The following PPFIBP2 variants were observed in gnomAD, a reference collection of about 807,000 sequenced individuals.
The protein encoded by PPFIBP2 is PPFIB scaffold protein 2, also known as liprin-beta-2.
Under a neutral mutation model 118.3 loss-of-function variants are expected in PPFIBP2, and 118 were observed. The ratio of observed to expected loss-of-function variants is 1.00; its 90% CI spans 0.86 to 1.16. PPFIBP2 has a LOEUF of 1.16. PPFIBP2 is among the 50% of genes most tolerant of loss of function. The pLI, the probability that PPFIBP2 is intolerant of heterozygous loss-of-function variation, is 0.00. For missense variants in PPFIBP2, 1,195 were observed against 1,073.1 expected, an observed-to-expected ratio of 1.11 and a Z score of -1.59; for synonymous variants, 414 against 397.4, an observed-to-expected ratio of 1.04 and a Z score of -0.50.
chr11:7,635,163 C>T (rs1565098256), intron 13 of PPFIBP2, among the ~76,000 whole-genome samples: 1 of 152,072 alleles, frequency 6.6e-6, no homozygotes, highest in African/African-American at 2.4e-5. Flanking sequence ...ACCAAGGGAG[C>T]CTGCCCTGAT....
intron 1 of PPFIBP2, among the ~76,000 whole-genome samples, chr11:7,519,843 T>G (rs1849579697): frequency 1.3e-5 from 2 of 152,150 alleles, no homozygotes; most frequent in Admixed American, 1.3e-4. Context: ...CGTTGGATTT[T>G]CGGACCAGAG....
intron 3 of PPFIBP2, among the ~76,000 whole-genome samples, chr11:7,579,425 G>A (rs141290367): frequency 6.6e-6 from 1 of 152,124 alleles, no homozygotes; most frequent in African/African-American, 2.4e-5. Flanking sequence ...TTTGGCAAAG[G>A]TTTGCATCAT....
At chr11:7,641,096 G>GT in intron 15 of PPFIBP2, 2 of 1,253,472 alleles carry the variant, frequency 1.6e-6, no homozygotes, top group Non-Finnish European at 2.1e-6. Context: ...GAGGTGGAGA[G>GT]TGAGAATGCC....
intron 3 of PPFIBP2, among the ~76,000 whole-genome samples, chr11:7,586,345 TAACTGA>T (rs1444056943): frequency 1.3e-5 from 2 of 152,256 alleles, no homozygotes; most frequent in Admixed American, 6.5e-5. Context: ...CTCATGCTTC[TAACTGA>T]ATGTTGGTCT....
intron 2 of PPFIBP2, 57 bp downstream of exon 2, chr11:7,549,596 T>C (rs1257015168): frequency 3.6e-6 from 5 of 1,407,532 alleles, no homozygotes; most frequent in Non-Finnish European, 3.7e-6. Flanking sequence ...CAGGAACTGC[T>C]TCTCTCCTTT....
intron 19 of PPFIBP2, 39 bp downstream of exon 19, chr11:7,648,950 A>G (rs1300690713): frequency 1.3e-6 from 2 of 1,550,242 alleles, no homozygotes; most frequent in Non-Finnish European, 1.8e-6. Context: ...TGTCTCTGGC[A>G]GCAACTAAGA....
chr11:7,530,030 C>T (rs530443055), intron 1 of PPFIBP2, among the ~76,000 whole-genome samples: 8 of 152,240 alleles, frequency 5.3e-5, no homozygotes, highest in Non-Finnish European at 8.8e-5. Flanking sequence ...CTCAAAGGAA[C>T]TCAACATCAT....
intron 2 of PPFIBP2, among the ~76,000 whole-genome samples, chr11:7,557,978 A>G (rs1337759685): frequency 6.6e-6 from 1 of 152,148 alleles, no homozygotes; most frequent in Non-Finnish European, 1.5e-5. Flanking sequence ...ATGCCAAAGA[A>G]CTCCATTTAC....
intron 11 of PPFIBP2, 130 bp downstream of exon 11, chr11:7,631,158 G>A: frequency 1.5e-6 from 1 of 684,552 alleles, no homozygotes; most frequent in Admixed American, 2.2e-5. Flanking sequence ...TTAATATAGT[G>A]CCCCTCAGGC....
Position 7,642,374 on chromosome 11 carries a change from G to T in PPFIBP2, c.1594G>T (p.Ala532Ser). 6.2e-7 allele frequency: 1 copy of T among 1,614,064 alleles called. No individual in the cohort carries two copies. The highest frequency in any genetic ancestry group is 1.3e-5 in the African/African-American group (1 of 75,044). The change falls in exon 17 of 24, where the codon GCA becomes TCA. Residue 532 changes from alanine to serine, a missense_variant. By Grantham distance (99) the Ala-to-Ser change is moderately conservative. Coordinates refer to ENST00000299492, the MANE Select transcript of PPFIBP2 (RefSeq NM_003621.5). Reference sequence around the variant, plus strand: ...AGAGTTTCGACGAGGTGGGCTCCGGGCAACCGCAGGGCCAAGACTCTCTAG... The same window carrying T: ...AGAGTTTCGACGAGGTGGGCTCCGGTCAACCGCAGGGCCAAGACTCTCTAG... ...MAEFRRGGLR[A>S]TAGPRLSRTR...
At chr11:7,619,689 G>A (rs1849111733) in intron 6 of PPFIBP2, among the ~76,000 whole-genome samples, 2 of 152,226 alleles carry the variant, frequency 1.3e-5, no homozygotes, top group African/African-American at 4.8e-5. Context: ...TTTCCTGGAA[G>A]TAGAATTAAT....
intron 1 of PPFIBP2, among the ~76,000 whole-genome samples, chr11:7,521,681 C>T (rs938457643): frequency 7.2e-5 from 11 of 152,232 alleles, no homozygotes; most frequent in African/African-American, 2.7e-4. Context: ...TGCTTTAGGG[C>T]TGTATCAGCT....
intron 3 of PPFIBP2, among the ~76,000 whole-genome samples, chr11:7,589,771 C>A (rs1228973631): frequency 6.6e-6 from 1 of 152,178 alleles, no homozygotes; most frequent in Non-Finnish European, 1.5e-5. Flanking sequence ...GGAACATGGA[C>A]AAGACTTTTC....
intron 4 of PPFIBP2, 63 bp downstream of exon 4, chr11:7,593,287 G>A (rs1859675172): frequency 6.4e-7 from 1 of 1,572,132 alleles, no homozygotes; most frequent in South Asian, 1.2e-5. Context: ...CTTCCCCTAA[G>A]TGGAAGGGAA....
chr11:7,529,361 C>A (rs1310516912), intron 1 of PPFIBP2, among the ~76,000 whole-genome samples: 3 of 152,228 alleles, frequency 2.0e-5, no homozygotes, highest in African/African-American at 7.2e-5. Context: ...AAATGCATCT[C>A]ATTACATCAC....
At chr11:7,581,647 G>A (rs1476294099) in intron 3 of PPFIBP2, among the ~76,000 whole-genome samples, 1 of 152,172 alleles carries the variant, frequency 6.6e-6, no homozygotes, top group Non-Finnish European at 1.5e-5. Context: ...GGACTGCAGT[G>A]AAAGTTACAG....
In PPFIBP2 at chr11:7,653,120, G is replaced by A. The variant is rs149105070; in HGVS notation, c.2533G>A (p.Val845Ile). ...TTGCCCAATGGAGCCCAGTGACGGT[G>A]TCAGTGATAGTCACAGGGTCTACAG... The part of the protein sequence containing the change: ...YICPMEPSDG[V>I]SDSHRVYSGY... Residue 845 changes from valine to isoleucine, a missense_variant, in exon 24 of 24, where the codon GTC becomes ATC. Val to Ile is a conservative substitution (Grantham distance 29). Transcript: ENST00000299492. 1.9e-4 allele frequency: 304 copies of A among 1,614,140 alleles called. No homozygotes were observed. Among genetic ancestry groups the A allele is most frequent in the Non-Finnish European group, 2.4e-4 (289 of 1,180,050 alleles).
chr11:7,550,575 T>C (rs1194825851), intron 2 of PPFIBP2, among the ~76,000 whole-genome samples: 2 of 152,182 alleles, frequency 1.3e-5, no homozygotes, highest in Non-Finnish European at 2.9e-5. Flanking sequence ...TCTCAGTTGA[T>C]AGAGGGCCCT....
chr11:7,624,594 C>A (rs1730395173), intron 7 of PPFIBP2, among the ~76,000 whole-genome samples: 1 of 152,162 alleles, frequency 6.6e-6, no homozygotes, highest in African/African-American at 2.4e-5. Context: ...GAAGGGGTGG[C>A]CAGAGGAGAA....
Sources: allele counts gnomAD v4.1 joint callset (sites outside exome capture counted in the v4.1 genomes callset), GRCh38; gene constraint gnomAD v4.1.1; transcripts MANE v1.5; gene names NCBI Gene and HGNC (gene_info 2026-07-23, HGNC 2026-07-21).